The following ADNP variants were observed in gnomAD, a reference collection of about 807,000 sequenced individuals.
ADNP encodes the protein activity-dependent neuroprotector homeobox protein.
ADNP carries 4 observed loss-of-function variants against 84.9 expected under a neutral mutation model. The ratio of observed to expected loss-of-function variants is 0.05; its 90% CI spans 0.02 to 0.11. The LOEUF (loss-of-function observed/expected upper bound fraction) is 0.11, where lower values mean the gene tolerates loss of function less well. ADNP is among the 10% of genes least tolerant of loss of function. ADNP has a pLI of 1.00. For missense variants in ADNP, 1,132 were observed against 1,326.0 expected (o/e 0.85, Z 2.27); for synonymous variants, 554 against 468.1 (o/e 1.18, Z -2.37).
At chr20:50,901,117 A>T (rs982857387) in intron 5 of ADNP, among the ~76,000 whole-genome samples, 1 of 152,154 alleles carries the variant, frequency 6.6e-6, no homozygotes, top group Non-Finnish European at 1.5e-5. Flanking sequence ...GTAAGAGATT[A>T]TCTTTTCTCC....
chr20:50,901,554 C>T (rs953551211), intron 5 of ADNP, among the ~76,000 whole-genome samples: 1 of 152,000 alleles, frequency 6.6e-6, no homozygotes, highest in African/African-American at 2.4e-5. Context: ...TTTTTAATGC[C>T]AATTTGTAAG....
rs1600934159 is a variant in ADNP, at chr20:50,893,757, G to A, written c.957C>T (p.Val319=). 1 of 1,614,094 alleles carries A rather than the reference G, an allele frequency of 6.2e-7. No individual in the cohort carries two copies. Among genetic ancestry groups the A allele is most frequent in the Non-Finnish European group, 8.5e-7 (1 of 1,180,028 alleles). Residue 319 remains valine (V), a synonymous_variant, in exon 6 of 6, where the codon GTC becomes GTT. Coordinates refer to ENST00000621696, the MANE Select transcript of ADNP (RefSeq NM_001282531.3). The surrounding 1 kb of genome is among the most constrained non-coding windows in gnomAD (Gnocchi z 4.4). Reference sequence around the variant, plus strand: ...GCAGATGAACACTGGACATCATGTTGACTCCTGTAGAATTTAAGTTAGGCT... The same window carrying A: ...GCAGATGAACACTGGACATCATGTTAACTCCTGTAGAATTTAAGTTAGGCT... ...IPKPNLNSTG[V]NMMSSVHLQQ... is the part of the protein sequence containing the mutation.
intron 5 of ADNP, among the ~76,000 whole-genome samples, chr20:50,895,544 G>A (rs935922108): frequency 6.6e-6 from 1 of 152,104 alleles, no homozygotes; most frequent in African/African-American, 2.4e-5. Context: ...GGCTACACAA[G>A]TTTTACTAAA....
chr20:50,891,750 G>A lies in ADNP; in HGVS notation c.2964C>T (p.Thr988=). 6.2e-7 allele frequency: 1 copy of A among 1,614,142 alleles called. No homozygotes were observed. Among genetic ancestry groups the A allele is most frequent in the Non-Finnish European group, 8.5e-7 (1 of 1,180,026 alleles). The change falls in exon 6 of 6, where the codon ACC becomes ACT. Residue 988 remains threonine, a synonymous_variant. Coordinates refer to ENST00000621696, the MANE Select transcript of ADNP (RefSeq NM_001282531.3). ...ACCAGGTTCCTGGTTTCATTTCGCA[G>A]GTATTGTCCTCAAAGTCTGACACTT... ...SQQVSDFEDN[T]CEMKPGTWSD...
At chr20:50,895,110 CAAG>C (rs1463789452) in intron 5 of ADNP, among the ~76,000 whole-genome samples, 20 of 152,258 alleles carry the variant, frequency 1.3e-4, no homozygotes, top group African/African-American at 4.6e-4. Context: ...CTAGAAATAA[CAAG>C]AATAACCTAA....
chr20:50,921,087 A>G (rs1358583228), intron 2 of ADNP, among the ~76,000 whole-genome samples: 1 of 152,216 alleles, frequency 6.6e-6, no homozygotes, highest in Non-Finnish European at 1.5e-5. Context: ...TGGCAGAAGG[A>G]TTAAATGAGA....
Position 50,893,670 on chromosome 20 carries a change from T to A in ADNP, c.1044A>T (p.Arg348Ser). 6.2e-7 allele frequency: 1 copy of A among 1,614,072 alleles called. No homozygotes were observed. Among genetic ancestry groups the A allele is most frequent in the Non-Finnish European group, 8.5e-7 (1 of 1,180,010 alleles). ...GQGYSVGQSMRLGLGGNAPVS... is the reference protein window; with the variant it reads ...GQGYSVGQSMSLGLGGNAPVS... ...CTGGTGCGTTGCCACCTAGACCCAG[T>A]CTCATTGACTGACCAACACTGTAAC... The change falls in exon 6 of 6, where the codon AGA becomes AGT. Residue 348 changes from arginine to serine, a missense_variant. Transcript: ENST00000621696. This position sits in a 1 kb window ranked among gnomAD's most constrained non-coding sequence, Gnocchi z 4.4.
intron 2 of ADNP, among the ~76,000 whole-genome samples, chr20:50,919,561 C>T (rs967102199): frequency 5.9e-5 from 9 of 152,098 alleles, no homozygotes; most frequent in African/African-American, 1.9e-4. Context: ...CTAGAAAAGG[C>T]TTACAGATAT....
At position 50,893,481 on chromosome 20, in the gene ADNP, G is replaced by C. The variant is rs1033863831; in HGVS notation, c.1233C>G (p.Ser411=). ...SLSSGQLKSP[S]LSQSQASRVL... is the part of the protein sequence containing the mutation. ...CTCTGGATGCCTGTGACTGAGAGAG[G>C]GAAGGAGACTTTAACTGGCCCGATG... Residue 411 remains serine, a synonymous_variant, in exon 6 of 6, where the codon TCC becomes TCG. Transcript: ENST00000621696. This position sits in a 1 kb window ranked among gnomAD's most constrained non-coding sequence, Gnocchi z 4.4. 1.9e-6 allele frequency: 3 copies of C among 1,613,830 alleles called. No individual in the cohort carries two copies. In the African/African-American group the frequency reaches 4.0e-5, roughly 22 times the overall value.
intron 2 of ADNP, among the ~76,000 whole-genome samples, chr20:50,918,146 CAATT>C (rs1983656622): frequency 6.6e-6 from 1 of 151,642 alleles, no homozygotes; most frequent in African/African-American, 2.4e-5. Context: ...TACTTTACAA[CAATT>C]AAAAATAAAC....
Position 50,893,545 on chromosome 20 carries a change from G to C in ADNP, c.1169C>G (p.Ala390Gly). Residue 390 changes from alanine (A) to glycine (G), a missense_variant, in exon 6 of 6, where the codon GCA (alanine) becomes GGA (glycine). By Grantham distance (60) the Ala-to-Gly change is moderately conservative. Transcript: ENST00000621696. This position sits in a 1 kb window ranked among gnomAD's most constrained non-coding sequence, Gnocchi z 4.4. ...ATTAGCAGACTGCAGGGAGTATCTT[G>C]CTGGTGCCTGGGACCTCTGCTCTGA... ...LGSEQRSQAP[A>G]RYSLQSANAS... 3 of 1,613,906 alleles carry C rather than the reference G, an allele frequency of 1.9e-6. No homozygotes were observed. Among genetic ancestry groups the C allele is most frequent in the Non-Finnish European group, 2.5e-6 (3 of 1,180,024 alleles).
At chr20:50,912,015 G>A (rs1303283251) in intron 2 of ADNP, among the ~76,000 whole-genome samples, 1 of 152,070 alleles carries the variant, frequency 6.6e-6, no homozygotes, top group Non-Finnish European at 1.5e-5. Context: ...GATGACTAAT[G>A]TATCAGTTAC....
intron 3 of ADNP, 132 bp from the exon 4 acceptor site, chr20:50,904,133 G>A: frequency 1.5e-6 from 1 of 647,462 alleles, no homozygotes. Flanking sequence ...CATCTAGTGT[G>A]TACACACACA....
Position 50,894,190 on chromosome 20 carries a change from G to A in ADNP, c.524C>T (p.Pro175Leu). The A allele has an allele frequency of 6.2e-7, 1 of 1,614,124 alleles. No individual in the cohort carries two copies. The highest frequency in any genetic ancestry group is 8.5e-7 in the Non-Finnish European group (1 of 1,179,984). ...YYCKKCTYRDPLYEIVRKHIY... is the reference protein window; with the variant it reads ...YYCKKCTYRDLLYEIVRKHIY... ...GTGCTTCCTAACTATTTCATAAAGA[G>A]GATCTCGGTAAGTGCACTTCTTACA... Residue 175 changes from proline (P) to leucine (L), a missense_variant, in exon 6 of 6, where the codon CCT becomes CTT. Pro to Leu is a moderately conservative substitution (Grantham distance 98). Transcript: ENST00000621696.
chr20:50,890,836 T>G lies in ADNP; in HGVS notation c.*569A>C. 5 of 851,890 alleles carry G rather than the reference T, an allele frequency of 5.9e-6. No individual in the cohort carries two copies. The highest frequency in any genetic ancestry group is 7.1e-6 in the Non-Finnish European group (5 of 708,086). 52.8% of individuals were successfully genotyped at this position (851,890 alleles called of 1,614,324 possible). On this transcript the variant is annotated 3_prime_UTR_variant, in exon 6 of 6. Coordinates refer to ENST00000621696, the MANE Select transcript of ADNP (RefSeq NM_001282531.3). ...AGTTTTGAGCTTTTGCTAGGTAAAC[T>G]AGATAGAGCGTTTATTACACAGCAA...
intron 3 of ADNP, chr20:50,904,263 T>C: frequency 2.5e-6 from 1 of 407,566 alleles, no homozygotes; most frequent in Non-Finnish European, 4.5e-6. Flanking sequence ...CACTCATGGT[T>C]CATTGACTGC....
Position 50,889,590 on chromosome 20 carries a change from AAG to A in ADNP, c.*1813_*1814del, listed in dbSNP as rs569703739. 31 of 319,208 alleles carry A rather than the reference AAG, an allele frequency of 9.7e-5. No homozygotes were observed. The highest frequency in any genetic ancestry group is 1.4e-4 in the Non-Finnish European group (25 of 176,350). The allele number at this position is 319,208 out of a possible 1,614,324, so 19.8% of individuals were successfully genotyped here. A position where few individuals can be genotyped will look rare whatever the true frequency, so the allele number is the denominator to read the frequency against. On this transcript the variant is annotated 3_prime_UTR_variant, in exon 6 of 6. Coordinates refer to ENST00000621696, the MANE Select transcript of ADNP (RefSeq NM_001282531.3). ...TCTACTCTCTGGTAACAGCATTAAC[AAG>A]AGTCTTTCTTTTGGAAACAGACTCA...
intron 5 of ADNP, among the ~76,000 whole-genome samples, chr20:50,900,933 T>A (rs1052305505): frequency 1.3e-5 from 2 of 152,214 alleles, no homozygotes; most frequent in Non-Finnish European, 2.9e-5. Context: ...GCTGCTTTGA[T>A]TCAAATCAAG....
intron 5 of ADNP, among the ~76,000 whole-genome samples, chr20:50,899,935 G>A (rs1025212224): frequency 3.5e-5 from 5 of 144,632 alleles, no homozygotes; most frequent in Admixed American, 2.1e-4. Context: ...CAAAGCTTCC[G>A]CAGTGTGGAA....
Sources: gnomAD v4.1 joint callset for allele counts (sites outside exome capture counted in the v4.1 genomes callset) on GRCh38, gnomAD v4.1.1 for gene constraint, Gnocchi (gnomAD v3.1) non-coding constraint, MANE v1.5 for transcripts, NCBI Gene and HGNC (gene_info 2026-07-23, HGNC 2026-07-21) for gene names.